MGAT4C: variants seen among roughly 807,000 people sequenced by gnomAD.
The protein encoded by MGAT4C is MGAT4 family member C.
MGAT4C carries 19 observed loss-of-function variants against 40.1 expected under a neutral mutation model. That is an observed-to-expected ratio of 0.47 (90% CI 0.33 to 0.70). The LOEUF is 0.70. Among genes scored for constraint, MGAT4C ranks in the 30% least tolerant of loss-of-function variants. The pLI, the probability that MGAT4C is intolerant of heterozygous loss-of-function variation, is 0.02. For missense variants in MGAT4C, 491 were observed against 563.2 expected (o/e 0.87, Z 1.30); for synonymous variants, 181 against 187.1 (o/e 0.97, Z 0.27).
intron 1 of MGAT4C, among the ~76,000 whole-genome samples, chr12:86,781,632 G>A (rs1189217869): frequency 6.6e-6 from 1 of 150,924 alleles, no homozygotes; most frequent in East Asian, 1.9e-4. Flanking sequence ...ACTTACGGTG[G>A]CCAGAAAAAA....
At chr12:86,144,186 G>A (rs999576793) in intron 1 of MGAT4C, among the ~76,000 whole-genome samples, 3 of 152,042 alleles carry the variant, frequency 2.0e-5, no homozygotes, top group African/African-American at 4.8e-5. Context: ...CATATAGTTC[G>A]TTTATATATC....
intron 2 of MGAT4C, among the ~76,000 whole-genome samples, chr12:86,452,733 A>C (rs1411150311): frequency 2.6e-5 from 4 of 152,086 alleles, no homozygotes; most frequent in Non-Finnish European, 5.9e-5. Context: ...CTTTTAAATA[A>C]TTATGATTAA....
chr12:86,061,869 C>G (rs1177054166), intron 1 of MGAT4C, among the ~76,000 whole-genome samples: 1 of 152,140 alleles, frequency 6.6e-6, no homozygotes, highest in Non-Finnish European at 1.5e-5. Flanking sequence ...AGGCAGCAGC[C>G]TCAGTCAGGG....
At chr12:86,180,962 G>A (rs1466619460) in intron 1 of MGAT4C, among the ~76,000 whole-genome samples, 1 of 152,138 alleles carries the variant, frequency 6.6e-6, no homozygotes, top group Non-Finnish European at 1.5e-5. Context: ...GTTTGGCTGT[G>A]TCCCCACCCA....
intron 2 of MGAT4C, among the ~76,000 whole-genome samples, chr12:86,588,609 GCAC>G (rs1593017515): frequency 6.6e-6 from 1 of 151,900 alleles, no homozygotes; most frequent in Admixed American, 6.6e-5. Flanking sequence ...GATTTTTTCA[GCAC>G]CACACCACAC....
chr12:86,085,670 A>G (rs1249346987), intron 1 of MGAT4C, among the ~76,000 whole-genome samples: 1 of 152,186 alleles, frequency 6.6e-6, no homozygotes, highest in African/African-American at 2.4e-5. Flanking sequence ...CAGAATCTAC[A>G]AGGAACTTAA....
At chr12:86,349,725 CA>C (rs1451619590) in intron 3 of MGAT4C, among the ~76,000 whole-genome samples, 2 of 152,096 alleles carry the variant, frequency 1.3e-5, no homozygotes, top group Non-Finnish European at 2.9e-5. Flanking sequence ...AGATTTCATA[CA>C]TTACTCAGTT....
At chr12:86,154,621 C>T (rs902717278) in intron 1 of MGAT4C, among the ~76,000 whole-genome samples, 1 of 152,080 alleles carries the variant, frequency 6.6e-6, no homozygotes, top group Non-Finnish European at 1.5e-5. Flanking sequence ...ATCTGCCCAA[C>T]GGAAATGGAC....
intron 2 of MGAT4C, among the ~76,000 whole-genome samples, chr12:86,571,775 C>A (rs544528796): frequency 1.3e-5 from 2 of 152,214 alleles, no homozygotes; most frequent in African/African-American, 4.8e-5. Flanking sequence ...AGACAATCCC[C>A]ACACTGCTGA....
intron 1 of MGAT4C, among the ~76,000 whole-genome samples, chr12:86,189,494 T>C (rs773787201): frequency 2.0e-5 from 3 of 151,892 alleles, no homozygotes; most frequent in Non-Finnish European, 4.4e-5. Flanking sequence ...AATCAGGAAA[T>C]TGAATGACAC....
intron 1 of MGAT4C, among the ~76,000 whole-genome samples, chr12:86,112,322 C>T (rs1012006512): frequency 4.6e-5 from 7 of 151,212 alleles, no homozygotes; most frequent in East Asian, 2.0e-4. Context: ...CCCCCCCACC[C>T]TTTTTTTTGT....
At chr12:86,543,639 A>G (rs1215380997) in intron 2 of MGAT4C, among the ~76,000 whole-genome samples, 2 of 152,164 alleles carry the variant, frequency 1.3e-5, no homozygotes, top group African/African-American at 2.4e-5. Context: ...AAACTTTCAG[A>G]TAATGTCAGC....
At chr12:86,612,228 T>C (rs1962305543) in intron 2 of MGAT4C, among the ~76,000 whole-genome samples, 1 of 152,076 alleles carries the variant, frequency 6.6e-6, no homozygotes, top group African/African-American at 2.4e-5. Flanking sequence ...TATTTTATTA[T>C]AATATTTTCT....
intron 2 of MGAT4C, among the ~76,000 whole-genome samples, chr12:86,694,250 G>A (rs574905560): frequency 6.6e-6 from 1 of 151,978 alleles, no homozygotes; most frequent in East Asian, 1.9e-4. Context: ...TAAGCTAGTC[G>A]TTTTTCTTCT....
chr12:86,120,616 C>T lies in MGAT4C; in HGVS notation c.-56-70893G>A, dbSNP rs151149849. 1.6e-3 allele frequency among the ~76,000 whole-genome samples: 238 copies of T among 150,216 alleles called. 3 individuals carry two copies. The East Asian group carries it at 0.029, about 18-fold the overall frequency. ...TGTTCTGCAGCCTCTGCTGGTGATA[C>T]CCTGGGAAACAGGGTCTGGAGTGGA... On this transcript the variant is annotated intron_variant, in intron 1 of 4. Transcript: ENST00000611864.
chr12:86,330,867 AC>A (rs1159273560), intron 4 of MGAT4C, among the ~76,000 whole-genome samples: 12 of 152,222 alleles, frequency 7.9e-5, no homozygotes, highest in African/African-American at 2.9e-4. Context: ...TTGAAATGTT[AC>A]AAAAGGTCTT....
At chr12:86,503,825 A>T (rs1958420273) in intron 2 of MGAT4C, among the ~76,000 whole-genome samples, 2 of 88,184 alleles carry the variant, frequency 2.3e-5, no homozygotes, top group African/African-American at 3.8e-5. Flanking sequence ...AGTTCTGCTC[A>T]ATTTTCTGCT....
chr12:86,534,175 A>G (rs539440211), intron 2 of MGAT4C, among the ~76,000 whole-genome samples: 1 of 152,218 alleles, frequency 6.6e-6, no homozygotes, highest in Non-Finnish European at 1.5e-5. Flanking sequence ...TAGGTCTGAT[A>G]AGAACTCTGA....
chr12:86,138,795 A>T (rs989265014), intron 1 of MGAT4C, among the ~76,000 whole-genome samples: 4 of 151,886 alleles, frequency 2.6e-5, no homozygotes, highest in African/African-American at 9.7e-5. Flanking sequence ...GGGCATTCAG[A>T]CTTGGAGGAG....
Sources: gnomAD v4.1 joint callset for allele counts (sites outside exome capture counted in the v4.1 genomes callset) on GRCh38, gnomAD v4.1.1 for gene constraint, MANE v1.5 for transcripts, NCBI Gene and HGNC (gene_info 2026-07-23, HGNC 2026-07-21) for gene names.